The following PCDHA7 variants were observed in gnomAD, a reference collection of about 807,000 sequenced individuals.
The protein encoded by PCDHA7 is protocadherin alpha 7.
Under a neutral mutation model 57.2 loss-of-function variants are expected in PCDHA7, and 37 were observed. The observed-to-expected ratio is 0.65, with a 90% CI of 0.50 to 0.85. The LOEUF is 0.85. PCDHA7 is among the 40% of genes least tolerant of loss of function. PCDHA7 has a pLI of 0.00. For synonymous variants in PCDHA7, 553 were observed against 558.8 expected (o/e 0.99, Z 0.15); for missense variants, 1,188 against 1,241.8 (o/e 0.96, Z 0.65).
At chr5:141,001,452 A>G (rs2098018922) in intron 3 of PCDHA7, among the ~76,000 whole-genome samples, 1 of 152,196 alleles carries the variant, frequency 6.6e-6, no homozygotes, top group Admixed American at 6.5e-5. Context: ...TCCACTGTCA[A>G]TTGAAGGACT....
Position 140,842,781 on chromosome 5 carries a change from A to G in PCDHA7, c.2355+6043A>G. ...GCGCGAGACGCGGACGCGCAGGAGA[A>G]CGCGCTGGTGTCCTACTCGCTTGTG... is the stretch of plus-strand genomic sequence containing the variant. On this transcript the variant is annotated intron_variant, in intron 1 of 3. Transcript: ENST00000525929. The G allele has an allele frequency of 1.3e-6, 2 of 1,594,512 alleles. 1 individual carries two copies. Among genetic ancestry groups the G allele is most frequent in the Non-Finnish European group, 1.7e-6 (2 of 1,165,394 alleles).
At chr5:140,857,887 G>A (rs2044983684) in intron 1 of PCDHA7, 6 of 1,597,818 alleles carry the variant, frequency 3.8e-6, no homozygotes, top group Middle Eastern at 1.7e-4. Flanking sequence ...TGCAGTCGGC[G>A]GCGGTTGGTG....
At chr5:140,884,574 T>C (rs1554181755) in intron 1 of PCDHA7, 1 of 1,614,014 alleles carries the variant, frequency 6.2e-7, no homozygotes, top group East Asian at 2.2e-5. Context: ...AAGACGGACC[T>C]CATGGCCTTC....
chr5:140,973,574 C>T (rs1485415780), intron 1 of PCDHA7, among the ~76,000 whole-genome samples: 1 of 152,218 alleles, frequency 6.6e-6, no homozygotes, highest in African/African-American at 2.4e-5. Flanking sequence ...AATTTTTCTA[C>T]AGACTGCTGA....
intron 1 of PCDHA7, chr5:140,875,853 C>T (rs2055871558): frequency 6.2e-7 from 1 of 1,614,162 alleles, no homozygotes; most frequent in African/African-American, 1.3e-5. Flanking sequence ...AGGACATTAA[C>T]GACAACCCGC....
At chr5:140,839,582 G>T (rs965029185) in intron 1 of PCDHA7, among the ~76,000 whole-genome samples, 1 of 151,908 alleles carries the variant, frequency 6.6e-6, no homozygotes, top group Non-Finnish European at 1.5e-5. Context: ...TAGAGATGGG[G>T]TCTTACCATG....
chr5:140,903,859 T>C (rs2070674942), intron 1 of PCDHA7, among the ~76,000 whole-genome samples: 1 of 152,186 alleles, frequency 6.6e-6, no homozygotes, highest in Non-Finnish European at 1.5e-5. Context: ...ACAAATAATA[T>C]AGAGTAAAAT....
chr5:140,955,914 G>A (rs1293205418), intron 1 of PCDHA7, among the ~76,000 whole-genome samples: 1 of 152,140 alleles, frequency 6.6e-6, no homozygotes, highest in East Asian at 1.9e-4. Context: ...TAGCAATTGT[G>A]AATGGGAGTT....
chr5:140,881,180 T>G (rs1054668567), intron 1 of PCDHA7: 1 of 167,342 alleles, frequency 6.0e-6, no homozygotes, highest in East Asian at 1.9e-4. Flanking sequence ...TTTTCCTTGC[T>G]AAAGATATGT....
chr5:140,940,509 C>T lies in PCDHA7; in HGVS notation c.2356-38440C>T, dbSNP rs556405860. ...GACAAGTCTTGCTCCGTCGCTCAGG[C>T]GTGATCATAGCTCACTGCAATCTTG... On this transcript the variant is annotated intron_variant, in intron 1 of 3. Coordinates refer to ENST00000525929, the MANE Select transcript of PCDHA7 (RefSeq NM_018910.3). 2.0e-5 allele frequency among the ~76,000 whole-genome samples: 3 copies of T among 152,086 alleles called. No individual in the cohort carries two copies. In the South Asian group the frequency reaches 6.2e-4, roughly 32 times the overall value.
chr5:140,963,770 C>T (rs1296794666), intron 1 of PCDHA7, among the ~76,000 whole-genome samples: 2 of 152,176 alleles, frequency 1.3e-5, no homozygotes, highest in Non-Finnish European at 2.9e-5. Context: ...TATTTCATGA[C>T]GACAGCAACA....
At position 140,946,611 on chromosome 5, in the gene PCDHA7, A is replaced by AATATATATATATATATATATATATAT. The variant is rs1554217734; in HGVS notation, c.2356-32317_2356-32316insTATATATATATATATATATATATATA. Among the ~76,000 whole-genome samples, 847 of 86,186 alleles carry AATATATATATATATATATATATATAT rather than the reference A, an allele frequency of 9.8e-3. 28 individuals carry two copies. The highest frequency in any genetic ancestry group is 0.012 in the Non-Finnish European group (550 of 46,284). The allele number at this position is 86,186 out of a possible 152,430, so 56.5% of individuals were successfully genotyped here. ...GGATGAATAGATAAAGAAAATGTGA[A>AATATATATATATATATATATATATAT]ATATATATATATATATATATACAAT... On this transcript the variant is annotated intron_variant, in intron 1 of 3. Coordinates refer to ENST00000525929, the MANE Select transcript of PCDHA7 (RefSeq NM_018910.3).
At chr5:140,964,383 G>A (rs543441248) in intron 1 of PCDHA7, among the ~76,000 whole-genome samples, 1 of 152,142 alleles carries the variant, frequency 6.6e-6, no homozygotes, top group Non-Finnish European at 1.5e-5. Context: ...GAGAGTCCTG[G>A]TTTTTCTCCC....
At chr5:140,982,688 A>ATACATACATGATTTCCT in intron 3 of PCDHA7, 125 bp downstream of exon 3, 1 of 1,415,764 alleles carries the variant, frequency 7.1e-7, no homozygotes, top group Non-Finnish European at 9.3e-7. Flanking sequence ...CCTTTTTTCC[A>ATACATACATGATTTCCT]TACATACATG....
intron 1 of PCDHA7, chr5:140,875,985 G>T: frequency 6.2e-7 from 1 of 1,613,950 alleles, no homozygotes; most frequent in South Asian, 1.1e-5. Context: ...TGACCTATGC[G>T]TTAAGTCTAA....
chr5:140,845,590 G>A (rs1475387499), intron 1 of PCDHA7, among the ~76,000 whole-genome samples: 3 of 149,560 alleles, frequency 2.0e-5, no homozygotes, highest in Non-Finnish European at 4.5e-5. Flanking sequence ...AAATGTGTCA[G>A]AAGTTAGTTA....
intron 1 of PCDHA7, among the ~76,000 whole-genome samples, chr5:140,874,852 A>C (rs2153316930): frequency 6.6e-6 from 1 of 152,334 alleles, no homozygotes; most frequent in African/African-American, 2.4e-5. Context: ...GACATATTTT[A>C]GTTTCTTATC....
Position 140,857,323 on chromosome 5 carries a change from C to A in PCDHA7, c.2355+20585C>A, listed in dbSNP as rs782769711. 1.5e-5 allele frequency: 24 copies of A among 1,598,498 alleles called. 1 individual carries two copies. The East Asian group carries it at 5.1e-4, about 34-fold the overall frequency. On this transcript the variant is annotated intron_variant, in intron 1 of 3. Transcript: ENST00000525929. ...TGTCGGCCTATGAGCTGGTGGTGAC[C>A]GCGCGGGACGGGGGCTCGCCTCCGC...
chr5:140,908,276 A>T (rs1554193275), intron 1 of PCDHA7, among the ~76,000 whole-genome samples: 1 of 152,148 alleles, frequency 6.6e-6, no homozygotes, highest in Non-Finnish European at 1.5e-5. Context: ...CCATGAGGCC[A>T]TTGTTGCAAG....
Sources: allele counts gnomAD v4.1 joint callset (sites outside exome capture counted in the v4.1 genomes callset), GRCh38; gene constraint gnomAD v4.1.1; transcripts MANE v1.5; gene names NCBI Gene and HGNC (gene_info 2026-07-23, HGNC 2026-07-21).